The following BRSK1 variants were observed in gnomAD, a reference collection of about 807,000 sequenced individuals.
The protein encoded by BRSK1 is serine/threonine-protein kinase BRSK1.
Under a neutral mutation model 86.2 loss-of-function variants are expected in BRSK1, and 17 were observed. The ratio of observed to expected loss-of-function variants is 0.20; its 90% CI spans 0.14 to 0.30. BRSK1 has a LOEUF of 0.30. Among genes scored for constraint, BRSK1 ranks in the 10% least tolerant of loss-of-function variants. BRSK1 has a pLI of 1.00. For missense variants in BRSK1, 719 were observed against 1,071.9 expected, an observed-to-expected ratio of 0.67 and a Z score of 4.60; for synonymous variants, 464 against 440.1, an observed-to-expected ratio of 1.05 and a Z score of -0.68.
chr19:55,298,953 G>A (rs2088529965), intron 7 of BRSK1, among the ~76,000 whole-genome samples: 1 of 152,148 alleles, frequency 6.6e-6, no homozygotes, highest in Admixed American at 6.5e-5. Context: ...GTGTCTTTAA[G>A]CTGGGTGCGG....
At chr19:55,298,209 C>CTTTTTT (rs71181751) in intron 7 of BRSK1, among the ~76,000 whole-genome samples, 4 of 69,622 alleles carry the variant, frequency 5.7e-5, no homozygotes, top group Admixed American at 1.8e-4. Flanking sequence ...TTTGTTTCTT[C>CTTTTTT]TTTTTTTTTT....
rs971331137 is a variant in BRSK1 at position 55,306,930 on chromosome 19, A to G, written c.2089+480A>G. Among the ~76,000 whole-genome samples the G allele has an allele frequency of 6.6e-6, 1 of 152,200 alleles. No homozygotes were observed. Among genetic ancestry groups the G allele is most frequent in the South Asian group, 2.1e-4 (1 of 4,832 alleles). On this transcript the variant is annotated intron_variant, in intron 17 of 18. Transcript: ENST00000309383. This position sits in a 1 kb window ranked among gnomAD's most constrained non-coding sequence, Gnocchi z 4.7. ...TCTAATATCAGTCTGCCCAGAGCAG[A>G]CATTACCAATTGATGGCAGTGCTTA...
chr19:55,293,631 T>C (rs546533536), intron 4 of BRSK1, among the ~76,000 whole-genome samples: 1 of 151,880 alleles, frequency 6.6e-6, no homozygotes, highest in South Asian at 2.1e-4. Flanking sequence ...GCCAGCATAA[T>C]GAAACCCCGT....
Position 55,303,564 on chromosome 19 carries a change from C to G in BRSK1, c.1127-103C>G. ...TGCTCTTTGACATTTATCAAATCCC[C>G]TCTCCACTCTAGGCCTGTTTCCCCA... On this transcript the variant is annotated intron_variant, in intron 11 of 18. Coordinates refer to ENST00000309383, the MANE Select transcript of BRSK1 (RefSeq NM_032430.2). This position sits in a 1 kb window ranked among gnomAD's most constrained non-coding sequence, Gnocchi z 5.1. 1 of 1,500,466 alleles carries G rather than the reference C, an allele frequency of 6.7e-7. No individual in the cohort carries two copies. Among genetic ancestry groups the G allele is most frequent in the Non-Finnish European group, 9.1e-7 (1 of 1,099,518 alleles). The allele number at this position is 1,500,466 out of a possible 1,614,324, so 92.9% of individuals were successfully genotyped here. A position where few individuals can be genotyped will look rare whatever the true frequency, so the allele number is the denominator to read the frequency against.
chr19:55,304,817 C>G lies in BRSK1; in HGVS notation c.1614C>G (p.Pro538=). Residue 538 remains proline (P), a synonymous_variant, in exon 14 of 19, where the codon CCC becomes CCG. Coordinates refer to ENST00000309383, the MANE Select transcript of BRSK1 (RefSeq NM_032430.2). The surrounding 1 kb of genome is among the most constrained non-coding windows in gnomAD (Gnocchi z 5.2). The part of the protein sequence containing the change: ...PTGTPGTTPP[P]SPGGGVGGAA... ...GGACCCCGGGGACAACACCACCCCC[C>G]AGCCCCGGCGGTGGCGTCGGGGGAG... 6.3e-7 allele frequency: 1 copy of G among 1,581,206 alleles called. No individual in the cohort carries two copies. Among genetic ancestry groups the G allele is most frequent in the Admixed American group, 1.8e-5 (1 of 54,984 alleles).
rs1041560825 is a variant in BRSK1, at chr19:55,302,467, A to G, written c.858-230A>G. ...GGGGCCTGGACTTCTGGGTCTGAAG[A>G]AGGAGGGGCCGGGGGCCTGGACCCC... On this transcript the variant is annotated intron_variant, in intron 9 of 18. Coordinates refer to ENST00000309383, the MANE Select transcript of BRSK1 (RefSeq NM_032430.2). This position sits in a 1 kb window ranked among gnomAD's most constrained non-coding sequence, Gnocchi z 6.3. 1 of 624,712 alleles carries G rather than the reference A, an allele frequency of 1.6e-6. No homozygotes were observed. Among genetic ancestry groups the G allele is most frequent in the Non-Finnish European group, 2.8e-6 (1 of 362,652 alleles). 38.7% of individuals were successfully genotyped at this position (624,712 alleles called of 1,614,324 possible). A position where few individuals can be genotyped will look rare whatever the true frequency, so the allele number is the denominator to read the frequency against.
intron 18 of BRSK1, among the ~76,000 whole-genome samples, chr19:55,309,777 G>C (rs1020372659): frequency 2.6e-5 from 4 of 152,244 alleles, no homozygotes; most frequent in Non-Finnish European, 5.9e-5. Context: ...CAAGCAACCA[G>C]AGGTAGCCAG....
Position 55,294,198 on chromosome 19 carries a change from C to A in BRSK1, c.576-16C>A. 1 of 1,613,254 alleles carries A rather than the reference C, an allele frequency of 6.2e-7. No homozygotes were observed. The highest frequency in any genetic ancestry group is 8.5e-7 in the Non-Finnish European group (1 of 1,179,412). On this transcript the variant is annotated splice_polypyrimidine_tract_variant and intron_variant, in intron 5 of 18. Transcript: ENST00000309383. The surrounding 1 kb of genome is among the most constrained non-coding windows in gnomAD (Gnocchi z 4.9). ...TTAGAAGCTGGCTGGAGGCTCACAT[C>A]AGCTCTCTCCCTCAGGTCCCCCCAT... is the stretch of plus-strand genomic sequence containing the variant.
intron 16 of BRSK1, 77 bp downstream of exon 16, chr19:55,305,663 T>A: frequency 6.3e-7 from 1 of 1,596,262 alleles, no homozygotes; most frequent in Non-Finnish European, 8.5e-7. Flanking sequence ...CTAACCACCT[T>A]AGCATAGGCC....
At chr19:55,301,152 G>C (rs1267222128) in intron 7 of BRSK1, among the ~76,000 whole-genome samples, 1 of 152,230 alleles carries the variant, frequency 6.6e-6, no homozygotes, top group Non-Finnish European at 1.5e-5. Flanking sequence ...TTTGTTTGGA[G>C]CTGTGCAAGG....
In BRSK1 at chr19:55,310,581, C is replaced by CA. The variant is rs1233394035; in HGVS notation, c.2180-1329dup. Among the ~76,000 whole-genome samples the CA allele has an allele frequency of 6.9e-6, 1 of 145,230 alleles. No individual in the cohort carries two copies. Among genetic ancestry groups the CA allele is most frequent in the Admixed American group, 7.0e-5 (1 of 14,334 alleles). ...AGGGACATTTAGTAATGTCTGGAGA[C>CA]ATTTTTCCTCCCCTCAACTGGGGAA... On this transcript the variant is annotated intron_variant, in intron 18 of 18. Coordinates refer to ENST00000309383, the MANE Select transcript of BRSK1 (RefSeq NM_032430.2). The surrounding 1 kb of genome is among the most constrained non-coding windows in gnomAD (Gnocchi z 5.0).
chr19:55,304,454 C>T lies in BRSK1; in HGVS notation c.1348-97C>T, dbSNP rs1484304879. On this transcript the variant is annotated intron_variant, in intron 13 of 18. Coordinates refer to ENST00000309383, the MANE Select transcript of BRSK1 (RefSeq NM_032430.2). The surrounding 1 kb of genome is among the most constrained non-coding windows in gnomAD (Gnocchi z 5.2). Reference sequence around the variant, plus strand: ...CTTGGACTACAAGTTGCAGCATGCACCGGGCCAGCGTCCGTGAGTGTGCGT... The same window carrying T: ...CTTGGACTACAAGTTGCAGCATGCATCGGGCCAGCGTCCGTGAGTGTGCGT... The T allele has an allele frequency of 2.2e-6, 3 of 1,365,892 alleles. No individual in the cohort carries two copies. Among genetic ancestry groups the T allele is most frequent in the African/African-American group, 3.0e-5 (2 of 67,784 alleles). The allele number at this position is 1,365,892 out of a possible 1,614,324, so 84.6% of individuals were successfully genotyped here. A position where few individuals can be genotyped will look rare whatever the true frequency, so the allele number is the denominator to read the frequency against.
Position 55,303,934 on chromosome 19 carries a change from C to A in BRSK1, c.1286+108C>A. 6.6e-7 allele frequency: 1 copy of A among 1,506,684 alleles called. No homozygotes were observed. The highest frequency in any genetic ancestry group is 8.9e-7 in the Non-Finnish European group (1 of 1,122,396). 93.3% of individuals were successfully genotyped at this position (1,506,684 alleles called of 1,614,324 possible). A position where few individuals can be genotyped will look rare whatever the true frequency, so the allele number is the denominator to read the frequency against. The stretch of plus-strand genomic sequence containing the variant: ...GTGCTGTGTCCTTGGGACAATTCAC[C>A]TCCCCTCTCTGGGCCTCATTTCCTC... On this transcript the variant is annotated intron_variant, in intron 12 of 18. Coordinates refer to ENST00000309383, the MANE Select transcript of BRSK1 (RefSeq NM_032430.2). The surrounding 1 kb of genome is among the most constrained non-coding windows in gnomAD (Gnocchi z 5.1).
At position 55,287,620 on chromosome 19, in the gene BRSK1, C is replaced by T. The variant is rs1028275253; in HGVS notation, c.317+321C>T. Among the ~76,000 whole-genome samples the T allele has an allele frequency of 1.3e-5, 2 of 152,270 alleles. No homozygotes were observed. The highest frequency in any genetic ancestry group is 2.4e-5 in the African/African-American group (1 of 41,478). On this transcript the variant is annotated intron_variant, in intron 3 of 18. Transcript: ENST00000309383. This position sits in a 1 kb window ranked among gnomAD's most constrained non-coding sequence, Gnocchi z 5.3. Reference sequence around the variant, plus strand: ...GGTGCCCTCGACCAGACCCAATCTGCTATGGGCAGATGCCTCCTGTTTGTA... The same window carrying T: ...GGTGCCCTCGACCAGACCCAATCTGTTATGGGCAGATGCCTCCTGTTTGTA...
intron 4 of BRSK1, among the ~76,000 whole-genome samples, chr19:55,290,704 C>T (rs927527257): frequency 7.3e-5 from 11 of 151,244 alleles, no homozygotes; most frequent in Non-Finnish European, 1.5e-4. Context: ...TGCAGTGGCG[C>T]GATCTCGGCT....
intron 4 of BRSK1, among the ~76,000 whole-genome samples, chr19:55,292,909 A>G (rs2088430007): frequency 6.6e-6 from 1 of 151,872 alleles, no homozygotes; most frequent in African/African-American, 2.4e-5. Context: ...TCAAGAGGCT[A>G]AGGCCAGAGG....
intron 15 of BRSK1, 45 bp from the exon 16 acceptor site, chr19:55,305,418 C>A (rs779565216): frequency 1.2e-6 from 2 of 1,613,980 alleles, no homozygotes. Context: ...GATTCATGCC[C>A]TCGGCGCCTT....
At position 55,303,717 on chromosome 19, in the gene BRSK1, C is replaced by T. The variant is rs1455646246; in HGVS notation, c.1177C>T (p.Arg393Trp). The change falls in exon 12 of 19, where the codon CGG becomes TGG. Residue 393 changes from arginine (R) to tryptophan (W), a missense_variant. Around this residue, in one of 6 missense-constraint regions of BRSK1, gnomAD observed 168 missense variants for 246.3 expected, o/e 0.68. Transcript: ENST00000309383. The surrounding 1 kb of genome is among the most constrained non-coding windows in gnomAD (Gnocchi z 5.1). ...DSPMLSRHGKRRPERKSMEVL... is the reference protein window; with the variant it reads ...DSPMLSRHGKWRPERKSMEVL... ...TCCCATGCTGAGCCGTCACGGGAAGCGGCGACCAGAGCGGAAGTCCATGGA... is the reference window on the plus strand; with the variant it reads ...TCCCATGCTGAGCCGTCACGGGAAGTGGCGACCAGAGCGGAAGTCCATGGA... 6.2e-7 allele frequency: 1 copy of T among 1,613,438 alleles called. No homozygotes were observed. Among genetic ancestry groups the T allele is most frequent in the Non-Finnish European group, 8.5e-7 (1 of 1,179,662 alleles).
At chr19:55,284,679 A>G in intron 1 of BRSK1, 101 bp downstream of exon 1, 9 of 987,946 alleles carry the variant, frequency 9.1e-6, no homozygotes, top group Non-Finnish European at 1.2e-5. Flanking sequence ...GGCTGCCCAG[A>G]CCCCTGGGCC....
Sources: allele counts gnomAD v4.1 joint callset (sites outside exome capture counted in the v4.1 genomes callset), GRCh38; gene constraint gnomAD v4.1.1; regional missense constraint gnomAD v4.1.1; non-coding constraint Gnocchi (gnomAD v3.1); transcripts MANE v1.5; gene names NCBI Gene and HGNC (gene_info 2026-07-23, HGNC 2026-07-21).